The following IQCJ variants were observed in gnomAD, a reference collection of about 807,000 sequenced individuals.
The protein encoded by IQCJ is IQ motif containing J, also known as IQ domain-containing protein J.
Under a neutral mutation model 11.0 loss-of-function variants are expected in IQCJ, and 9 were observed. The observed-to-expected ratio is 0.82, with a 90% CI of 0.49 to 1.43. IQCJ has a LOEUF of 1.43. Ranked by LOEUF, IQCJ falls within the 40% of genes most tolerant of loss-of-function variation. The pLI is 0.00. For synonymous variants in IQCJ, 55 were observed against 51.3 expected, an observed-to-expected ratio of 1.07 and a Z score of -0.31; for missense variants, 146 against 133.2, an observed-to-expected ratio of 1.10 and a Z score of -0.47.
At chr3:159,150,850 T>C (rs1356293911) in intron 1 of IQCJ, among the ~76,000 whole-genome samples, 4 of 152,192 alleles carry the variant, frequency 2.6e-5, no homozygotes, top group Non-Finnish European at 4.4e-5. Flanking sequence ...TTCATCTGCC[T>C]ACTCAGCTCT....
intron 1 of IQCJ, among the ~76,000 whole-genome samples, chr3:159,170,095 A>T (rs945866403): frequency 2.6e-5 from 4 of 152,198 alleles, no homozygotes; most frequent in Non-Finnish European, 5.9e-5. Context: ...AGAAGCTGTG[A>T]TCTCACTCAG....
intron 1 of IQCJ, among the ~76,000 whole-genome samples, chr3:159,189,231 G>A (rs1723544651): frequency 6.6e-6 from 1 of 152,104 alleles, no homozygotes. Context: ...CCAAAGGAAA[G>A]GTAAATTTAG....
At chr3:159,104,200 C>T (rs1375545439) in intron 1 of IQCJ, among the ~76,000 whole-genome samples, 1 of 152,238 alleles carries the variant, frequency 6.6e-6, no homozygotes. Flanking sequence ...CCTTCTCCCA[C>T]TTCAGCCCTC....
At chr3:159,106,141 C>A (rs1559987130) in intron 1 of IQCJ, among the ~76,000 whole-genome samples, 1 of 152,006 alleles carries the variant, frequency 6.6e-6, no homozygotes. Flanking sequence ...GAGAAAGGAA[C>A]TAAGGTGAAT....
At chr3:159,212,124 T>G (rs1406156821) in intron 1 of IQCJ, among the ~76,000 whole-genome samples, 1 of 151,870 alleles carries the variant, frequency 6.6e-6, no homozygotes, top group Non-Finnish European at 1.5e-5. Flanking sequence ...ACCATAACTG[T>G]GCTGTGTTCT....
chr3:159,262,943 A>C lies in IQCJ; in HGVS notation c.*212A>C, dbSNP rs1728302582. 7.7e-7 allele frequency: 1 copy of C among 1,303,284 alleles called. No individual in the cohort carries two copies. Among genetic ancestry groups the C allele is most frequent in the African/African-American group, 1.5e-5 (1 of 67,884 alleles). 80.7% of individuals were successfully genotyped at this position (1,303,284 alleles called of 1,614,324 possible). Reference sequence around the variant, plus strand: ...ATGTGTTCTCATTTCTCTATTATGGAGGTATCTTTTTTGCTTTTCTTTATA... The same window carrying C: ...ATGTGTTCTCATTTCTCTATTATGGCGGTATCTTTTTTGCTTTTCTTTATA... On this transcript the variant is annotated 3_prime_UTR_variant, in exon 4 of 4. Coordinates refer to ENST00000397832, the MANE Select transcript of IQCJ (RefSeq NM_001042706.3).
chr3:159,216,472 C>A (rs1427449557), intron 1 of IQCJ, among the ~76,000 whole-genome samples: 3 of 152,142 alleles, frequency 2.0e-5, no homozygotes, highest in Non-Finnish European at 2.9e-5. Context: ...GCATTGCCAG[C>A]AACACCATCA....
chr3:159,241,252 A>G (rs1726903901), intron 1 of IQCJ, among the ~76,000 whole-genome samples: 1 of 151,814 alleles, frequency 6.6e-6, no homozygotes, highest in Non-Finnish European at 1.5e-5. Context: ...TATTAAAAAT[A>G]CAAAAAATTA....
intron 3 of IQCJ, among the ~76,000 whole-genome samples, chr3:159,259,661 G>A (rs1180375441): frequency 6.6e-6 from 1 of 152,172 alleles, no homozygotes; most frequent in African/African-American, 2.4e-5. Context: ...AATCGCCAAG[G>A]GGAGTAAATA....
At chr3:159,181,055 T>A (rs1024799942) in intron 1 of IQCJ, among the ~76,000 whole-genome samples, 1 of 151,912 alleles carries the variant, frequency 6.6e-6, no homozygotes, top group African/African-American at 2.4e-5. Context: ...GAGTAGCTGC[T>A]ACTTTCTCAA....
intron 1 of IQCJ, among the ~76,000 whole-genome samples, chr3:159,079,479 T>G (rs1315880216): frequency 6.6e-6 from 1 of 152,170 alleles, no homozygotes; most frequent in Non-Finnish European, 1.5e-5. Context: ...ATTTCTCATC[T>G]GAGTTTTTAA....
chr3:159,113,775 A>G (rs1473071716), intron 1 of IQCJ, among the ~76,000 whole-genome samples: 4 of 152,160 alleles, frequency 2.6e-5, no homozygotes, highest in Non-Finnish European at 4.4e-5. Flanking sequence ...TTACTCCATG[A>G]TCTCTGACCA....
At chr3:159,136,615 G>C (rs1429318044) in intron 1 of IQCJ, among the ~76,000 whole-genome samples, 2 of 152,168 alleles carry the variant, frequency 1.3e-5, no homozygotes, top group East Asian at 3.9e-4. Flanking sequence ...AGTGTCTGAT[G>C]ATGGCCCACT....
At chr3:159,130,656 T>C (rs1049653417) in intron 1 of IQCJ, among the ~76,000 whole-genome samples, 3 of 152,206 alleles carry the variant, frequency 2.0e-5, no homozygotes, top group African/African-American at 7.2e-5. Context: ...CTCAGGTATA[T>C]ATTTATTTCA....
chr3:159,259,099 T>G (rs969406911), intron 3 of IQCJ, among the ~76,000 whole-genome samples: 3 of 152,132 alleles, frequency 2.0e-5, no homozygotes, highest in African/African-American at 7.2e-5. Context: ...GATAAACATA[T>G]GCATTGGCAA....
At chr3:159,120,204 C>T (rs1173170413) in intron 1 of IQCJ, among the ~76,000 whole-genome samples, 1 of 152,146 alleles carries the variant, frequency 6.6e-6, no homozygotes, top group Non-Finnish European at 1.5e-5. Context: ...TGGAGAGGGT[C>T]CTAGAGCTAT....
At chr3:159,084,086 A>C (rs567733724) in intron 1 of IQCJ, among the ~76,000 whole-genome samples, 3 of 152,100 alleles carry the variant, frequency 2.0e-5, no homozygotes, top group Non-Finnish European at 2.9e-5. Context: ...AAACTTGATT[A>C]AGCTTGGTGG....
Position 159,263,440 on chromosome 3 carries a change from T to C in IQCJ, c.*709T>C, listed in dbSNP as rs1728330842. Reference sequence around the variant, plus strand: ...AAGGAATAAGGGAATCTGCTGGAAGTCTTTATTTTTAAAAAACACCAAAAG... The same window carrying C: ...AAGGAATAAGGGAATCTGCTGGAAGCCTTTATTTTTAAAAAACACCAAAAG... On this transcript the variant is annotated 3_prime_UTR_variant, in exon 4 of 4. Coordinates refer to ENST00000397832, the MANE Select transcript of IQCJ (RefSeq NM_001042706.3). The C allele has an allele frequency of 1.0e-6, 1 of 984,298 alleles. No homozygotes were observed. Among genetic ancestry groups the C allele is most frequent in the African/African-American group, 1.7e-5 (1 of 57,330 alleles). 61.0% of individuals were successfully genotyped at this position (984,298 alleles called of 1,614,324 possible). A position where few individuals can be genotyped will look rare whatever the true frequency, so the allele number is the denominator to read the frequency against.
intron 1 of IQCJ, among the ~76,000 whole-genome samples, chr3:159,245,165 A>G (rs547961710): frequency 6.6e-6 from 1 of 152,256 alleles, no homozygotes; most frequent in East Asian, 1.9e-4. Context: ...AGAGGTTGCC[A>G]CGAGTTACTA....
Sources: gnomAD v4.1 joint callset for allele counts (sites outside exome capture counted in the v4.1 genomes callset) on GRCh38, gnomAD v4.1.1 for gene constraint, MANE v1.5 for transcripts, NCBI Gene and HGNC (gene_info 2026-07-23, HGNC 2026-07-21) for gene names.